The following XKR4 variants were observed in gnomAD, a reference collection of about 807,000 sequenced individuals.
XKR4 encodes the protein XK-related protein 4.
A neutral mutation model predicts 53.9 loss-of-function variants in XKR4; 12 were observed. That is an observed-to-expected ratio of 0.22 (90% CI 0.14 to 0.36). The LOEUF is 0.36. Among genes scored for constraint, XKR4 ranks in the 10% least tolerant of loss-of-function variants. The probability of loss-of-function intolerance (pLI) is 1.00; values close to 1 mark genes in which losing one functional copy is unlikely to be tolerated. For missense variants in XKR4, 799 were observed against 859.5 expected (o/e 0.93, Z 0.88); for synonymous variants, 354 against 362.4 (o/e 0.98, Z 0.26).
At chr8:55,335,548 A>C (rs1803447794) in intron 1 of XKR4, among the ~76,000 whole-genome samples, 1 of 152,232 alleles carries the variant, frequency 6.6e-6, no homozygotes, top group South Asian at 2.1e-4. Flanking sequence ...TGCAATTATC[A>C]TGTAAAGCAG....
rs539567355 is a variant in XKR4, at chr8:55,157,952, A to C, written c.806+54658A>C. On this transcript the variant is annotated intron_variant, in intron 1 of 2. Coordinates refer to ENST00000327381, the MANE Select transcript of XKR4 (RefSeq NM_052898.2). ...TGGGCATTGATTTCATGTCTTTGCT[A>C]TTGTGAATAGCAATGCAATGAACAT... 5.3e-5 allele frequency among the ~76,000 whole-genome samples: 8 copies of C among 152,294 alleles called. No homozygotes were observed. The South Asian group carries it at 1.7e-3, about 32-fold the overall frequency.
intron 1 of XKR4, among the ~76,000 whole-genome samples, chr8:55,123,818 T>C (rs960988190): frequency 2.3e-4 from 35 of 152,228 alleles, no homozygotes; most frequent in Non-Finnish European, 4.4e-4. Context: ...ATTCTTGTTT[T>C]CTCTTAAGGA....
intron 2 of XKR4, among the ~76,000 whole-genome samples, chr8:55,405,386 A>C (rs896449860): frequency 1.3e-5 from 2 of 152,248 alleles, no homozygotes; most frequent in African/African-American, 4.8e-5. Context: ...GCAACTGTCC[A>C]CATAGCTGCT....
chr8:55,494,741 T>C (rs1182392035), intron 2 of XKR4, among the ~76,000 whole-genome samples: 1 of 152,144 alleles, frequency 6.6e-6, no homozygotes, highest in Non-Finnish European at 1.5e-5. Flanking sequence ...ATCCTCTCTT[T>C]GAGTCTGGCT....
chr8:55,152,691 G>C (rs1272909224), intron 1 of XKR4, among the ~76,000 whole-genome samples: 3 of 152,060 alleles, frequency 2.0e-5, no homozygotes, highest in Non-Finnish European at 4.4e-5. Context: ...GAAACACCAA[G>C]ATAACTGATT....
At chr8:55,317,021 A>G (rs1275972395) in intron 1 of XKR4, among the ~76,000 whole-genome samples, 2 of 152,226 alleles carry the variant, frequency 1.3e-5, no homozygotes, top group East Asian at 3.8e-4. Flanking sequence ...GGCTCAAAAA[A>G]TAAGTCTCCC....
chr8:55,259,239 C>T (rs1462699530), intron 1 of XKR4, among the ~76,000 whole-genome samples: 1 of 152,178 alleles, frequency 6.6e-6, no homozygotes, highest in African/African-American at 2.4e-5. Flanking sequence ...TCAGGTTGTT[C>T]TTGAGAATTT....
At chr8:55,245,182 C>A (rs1818268462) in intron 1 of XKR4, among the ~76,000 whole-genome samples, 1 of 152,054 alleles carries the variant, frequency 6.6e-6, no homozygotes, top group Admixed American at 6.5e-5. Context: ...GCTGGGATTA[C>A]AGGCATGAGC....
intron 2 of XKR4, among the ~76,000 whole-genome samples, chr8:55,418,467 A>G (rs1804881278): frequency 6.6e-6 from 1 of 152,136 alleles, no homozygotes; most frequent in Non-Finnish European, 1.5e-5. Context: ...TTAACTTAAA[A>G]ATAGGTCCAG....
At chr8:55,307,078 T>G (rs1188846384) in intron 1 of XKR4, among the ~76,000 whole-genome samples, 1 of 152,026 alleles carries the variant, frequency 6.6e-6, no homozygotes, top group African/African-American at 2.4e-5. Flanking sequence ...GACCTAGGAC[T>G]AGGCAATGAG....
At chr8:55,199,770 A>G (rs34918132) in intron 1 of XKR4, among the ~76,000 whole-genome samples, 30,859 of 152,148 alleles carry the variant, frequency 0.2, 3,205 homozygotes, top group Non-Finnish European at 0.22. Flanking sequence ...AGATAGCCAC[A>G]TAATAGTAGC....
At chr8:55,244,455 T>C (rs766310385) in intron 1 of XKR4, among the ~76,000 whole-genome samples, 7 of 152,234 alleles carry the variant, frequency 4.6e-5, no homozygotes, top group Non-Finnish European at 8.8e-5. Flanking sequence ...ATTTCCTTTA[T>C]TCAGTCTACC....
intron 1 of XKR4, among the ~76,000 whole-genome samples, chr8:55,229,597 A>C (rs1818003514): frequency 6.6e-6 from 1 of 152,150 alleles, no homozygotes; most frequent in Non-Finnish European, 1.5e-5. Context: ...TCATGTAAAA[A>C]CTTCTGATTC....
At chr8:55,462,687 G>A (rs199924233) in intron 2 of XKR4, among the ~76,000 whole-genome samples, 243 of 152,016 alleles carry the variant, frequency 1.6e-3, no homozygotes, top group Non-Finnish European at 2.9e-3. Context: ...GGCAAATTGG[G>A]TAAAGAGTCA....
chr8:55,483,213 T>G (rs1806139116), intron 2 of XKR4, among the ~76,000 whole-genome samples: 1 of 152,204 alleles, frequency 6.6e-6, no homozygotes. Context: ...CCCAGCATCA[T>G]CACTTCTTAT....
At chr8:55,507,652 T>C (rs1393590461) in intron 2 of XKR4, among the ~76,000 whole-genome samples, 2 of 152,110 alleles carry the variant, frequency 1.3e-5, no homozygotes, top group Non-Finnish European at 2.9e-5. Context: ...TCCAGTTTCA[T>C]CCATGTCCCT....
intron 2 of XKR4, among the ~76,000 whole-genome samples, chr8:55,503,011 T>C (rs1490258502): frequency 6.6e-6 from 1 of 152,156 alleles, no homozygotes; most frequent in Non-Finnish European, 1.5e-5. Flanking sequence ...TTTGACCATC[T>C]ATGTGGGGGT....
chr8:55,400,153 A>G lies in XKR4; in HGVS notation c.1006+42276A>G, dbSNP rs566583653. Among the ~76,000 whole-genome samples the G allele has an allele frequency of 6.6e-5, 10 of 152,306 alleles. No homozygotes were observed. The East Asian group carries it at 9.7e-4, about 15-fold the overall frequency. On this transcript the variant is annotated intron_variant, in intron 2 of 2. Transcript: ENST00000327381. ...TTTGTCTTAGAGAACACAACCACAC[A>G]TAAGTCCACTTTCCAAATGACAGGT...
At chr8:55,376,475 A>G (rs1372251102) in intron 2 of XKR4, among the ~76,000 whole-genome samples, 3 of 152,108 alleles carry the variant, frequency 2.0e-5, no homozygotes, top group Admixed American at 2.0e-4. Flanking sequence ...TTCTCTAATG[A>G]TCAGTGATGT....
Sources: gnomAD v4.1 joint callset for allele counts (sites outside exome capture counted in the v4.1 genomes callset) on GRCh38, gnomAD v4.1.1 for gene constraint, MANE v1.5 for transcripts, NCBI Gene and HGNC (gene_info 2026-07-23, HGNC 2026-07-21) for gene names.